Variants in EYA1 observed in about 807,000 individuals in gnomAD.
EYA1 encodes the protein EYA transcriptional coactivator and phosphatase 1, also known as protein phosphatase EYA1.
EYA1 carries 16 observed loss-of-function variants against 82.0 expected under a neutral mutation model. The ratio of observed to expected loss-of-function variants is 0.20; its 90% confidence interval spans 0.13 to 0.30. The LOEUF (loss-of-function observed/expected upper bound fraction) is 0.30, where lower values mean the gene tolerates loss of function less well. EYA1 is among the 10% of genes least tolerant of loss of function. The pLI, the probability that EYA1 is intolerant of heterozygous loss-of-function variation, is 1.00. For missense variants in EYA1, 633 were observed against 730.7 expected (o/e 0.87, Z 1.54); for synonymous variants, 261 against 264.4 (o/e 0.99, Z 0.12).
At chr8:71,265,236 G>A (rs1387821683) in intron 11 of EYA1, among the ~76,000 whole-genome samples, 2 of 151,294 alleles carry the variant, frequency 1.3e-5, no homozygotes, top group Non-Finnish European at 2.9e-5. Flanking sequence ...TTTTTTTTAT[G>A]CTAGACATGG....
intron 2 of EYA1, among the ~76,000 whole-genome samples, chr8:71,530,126 T>G (rs1160042283): frequency 6.6e-6 from 1 of 152,256 alleles, no homozygotes. Context: ...TAAGATGAGG[T>G]CATTAAGATA....
chr8:71,280,205 G>C (rs1426507970), intron 9 of EYA1, among the ~76,000 whole-genome samples: 1 of 152,170 alleles, frequency 6.6e-6, no homozygotes, highest in Non-Finnish European at 1.5e-5. Flanking sequence ...TACTTGAGCA[G>C]ACAAGCATAC....
upstream of EYA1, among the ~76,000 whole-genome samples, chr8:71,363,846 A>G (rs891891788): frequency 6.6e-6 from 1 of 152,138 alleles, no homozygotes; most frequent in Admixed American, 6.5e-5. Flanking sequence ...TATTGTATTC[A>G]TGCTTCCAAT....
chr8:71,382,830 T>C (rs1458237657), intron 2 of EYA1, among the ~76,000 whole-genome samples: 1 of 152,096 alleles, frequency 6.6e-6, no homozygotes, highest in African/African-American at 2.4e-5. Context: ...TATCGATTTC[T>C]AGGTCTCAAG....
intron 2 of EYA1, among the ~76,000 whole-genome samples, chr8:71,517,969 C>G (rs1410042033): frequency 6.6e-6 from 1 of 151,746 alleles, no homozygotes; most frequent in Non-Finnish European, 1.5e-5. Flanking sequence ...AATTCTTCAT[C>G]AGTAAAAATT....
intron 2 of EYA1, among the ~76,000 whole-genome samples, chr8:71,376,958 T>C (rs1436362649): frequency 2.0e-5 from 3 of 152,170 alleles, no homozygotes; most frequent in East Asian, 3.8e-4. Context: ...TCTGTGTATA[T>C]GCTCACATGT....
chr8:71,302,367 C>T lies in EYA1; in HGVS notation c.557-2647G>A, dbSNP rs757173777. Among the ~76,000 whole-genome samples, 133 of 152,268 alleles carry T rather than the reference C, an allele frequency of 8.7e-4. 1 individual carries two copies. Among genetic ancestry groups the T allele is most frequent in the Non-Finnish European group, 1.6e-3 (111 of 68,030 alleles). ...AGACCATGGAAGCTATATTGGCACA[C>T]ACAGGCCACGAGGGTCTGACCAAGT... On this transcript the variant is annotated intron_variant, in intron 7 of 17. Coordinates refer to ENST00000340726, the MANE Select transcript of EYA1 (RefSeq NM_000503.6).
chr8:71,385,586 C>T (rs1199110564), intron 2 of EYA1, among the ~76,000 whole-genome samples: 2 of 152,068 alleles, frequency 1.3e-5, no homozygotes, highest in Admixed American at 1.3e-4. Context: ...CACAACATTC[C>T]TTAGATTAGG....
At chr8:71,257,646 T>G (rs1814600344) in intron 11 of EYA1, among the ~76,000 whole-genome samples, 1 of 152,238 alleles carries the variant, frequency 6.6e-6, no homozygotes, top group African/African-American at 2.4e-5. Flanking sequence ...CAGACGATGC[T>G]TGGCTTCTAT....
intron 7 of EYA1, among the ~76,000 whole-genome samples, chr8:71,302,246 A>G (rs1266231528): frequency 6.6e-6 from 1 of 152,138 alleles, no homozygotes; most frequent in Non-Finnish European, 1.5e-5. Flanking sequence ...GACCTCAATA[A>G]TCCCTATCCA....
chr8:71,441,435 A>C (rs2129170751), intron 2 of EYA1, among the ~76,000 whole-genome samples: 1 of 152,202 alleles, frequency 6.6e-6, no homozygotes, highest in African/African-American at 2.4e-5. Flanking sequence ...AAACAAACCA[A>C]AAAAACTCAC....
Position 71,390,317 on chromosome 8 carries a change from C to A in EYA1, c.34-33806G>T, listed in dbSNP as rs556452946. On this transcript the variant is annotated intron_variant, in intron 2 of 18. Transcript: ENST00000643681. ...CCAGAGTCTCACTCTGTTGCCCAGG[C>A]TGGAGTGCAGTGGCACAATCAGAGC... Among the ~76,000 whole-genome samples the A allele has an allele frequency of 7.6e-4, 115 of 151,062 alleles. 2 individuals are homozygous for A. Among genetic ancestry groups the A allele is most frequent in the African/African-American group, 2.7e-3 (112 of 41,022 alleles).
intron 12 of EYA1, among the ~76,000 whole-genome samples, chr8:71,238,901 G>C (rs1042850838): frequency 7.2e-5 from 11 of 151,954 alleles, no homozygotes; most frequent in African/African-American, 2.7e-4. Flanking sequence ...GTATTTTACT[G>C]CTAAGTACAA....
chr8:71,322,112 T>C, intron 5 of EYA1, 87 bp downstream of exon 5: 1 of 1,229,332 alleles, frequency 8.1e-7, no homozygotes, highest in Non-Finnish European at 1.2e-6. Flanking sequence ...TAAATTAAGA[T>C]GGAACATGTG....
At chr8:71,332,504 C>T (rs1295219358) in intron 4 of EYA1, among the ~76,000 whole-genome samples, 2 of 152,168 alleles carry the variant, frequency 1.3e-5, no homozygotes, top group Non-Finnish European at 2.9e-5. Context: ...AAATGAAATG[C>T]ACCAAATCCA....
At chr8:71,239,966 A>G (rs1309797743) in intron 12 of EYA1, among the ~76,000 whole-genome samples, 1 of 152,234 alleles carries the variant, frequency 6.6e-6, no homozygotes, top group Non-Finnish European at 1.5e-5. Context: ...GAAGTTTCTT[A>G]ACATTGGCGT....
chr8:71,360,211 C>T (rs954766245), intron 1 of EYA1, among the ~76,000 whole-genome samples: 4 of 151,892 alleles, frequency 2.6e-5, no homozygotes, highest in African/African-American at 9.7e-5. Flanking sequence ...AAATAGAGTC[C>T]GCATGAAAAC....
chr8:71,390,407 T>G (rs1448562755), intron 2 of EYA1, among the ~76,000 whole-genome samples: 1 of 151,900 alleles, frequency 6.6e-6, no homozygotes, highest in Non-Finnish European at 1.5e-5. Flanking sequence ...TGACTACAGG[T>G]ATGTACCACC....
chr8:71,312,441 A>G (rs779746935), intron 7 of EYA1, among the ~76,000 whole-genome samples: 17 of 152,102 alleles, frequency 1.1e-4, no homozygotes, highest in Non-Finnish European at 2.5e-4. Context: ...CTTATTATTT[A>G]TTTATTATTT....
Sources: allele counts gnomAD v4.1 joint callset (sites outside exome capture counted in the v4.1 genomes callset), GRCh38; gene constraint gnomAD v4.1.1; transcripts MANE v1.5; gene names NCBI Gene and HGNC (gene_info 2026-07-23, HGNC 2026-07-21).